PTPA: variants seen among roughly 807,000 people sequenced by gnomAD.
PTPA encodes the protein serine/threonine-protein phosphatase 2A activator.
In PTPA, 13 loss-of-function variants were observed where a neutral mutation model predicts 43.6. The observed-to-expected ratio is 0.30, with a 90% CI of 0.19 to 0.47. PTPA has a LOEUF of 0.47. PTPA is among the 20% of genes least tolerant of loss of function. The pLI is 0.99. For missense variants in PTPA, 329 were observed against 411.9 expected, an observed-to-expected ratio of 0.80 and a Z score of 1.74; for synonymous variants, 172 against 158.2, an observed-to-expected ratio of 1.09 and a Z score of -0.66.
chr9:129,135,961 A>T (rs1246271365), intron 6 of PTPA, among the ~76,000 whole-genome samples: 3 of 151,504 alleles, frequency 2.0e-5, no homozygotes, highest in African/African-American at 7.3e-5. Context: ...GTGATTTTTT[A>T]TTTATTTATT....
Position 129,147,695 on chromosome 9 carries a change from A to G in PTPA, c.*231A>G, listed in dbSNP as rs1851393502. ...AGTTTTCTGAGTTCCCGTGTGCTAG[A>G]CTGGCCAGAAGAGAGGGTCTGGGGC... is the stretch of plus-strand genomic sequence containing the variant. On this transcript the variant is annotated 3_prime_UTR_variant, in exon 10 of 10. Transcript: ENST00000393370. 7.6e-6 allele frequency: 4 copies of G among 529,318 alleles called. No homozygotes were observed. The highest frequency in any genetic ancestry group is 1.4e-5 in the Non-Finnish European group (4 of 291,770). The allele number at this position is 529,318 out of a possible 1,614,324, so 32.8% of individuals were successfully genotyped here.
chr9:129,134,973 C>A (rs1850261691), intron 6 of PTPA, 79 bp downstream of exon 6: 1 of 1,212,466 alleles, frequency 8.2e-7, no homozygotes, highest in Non-Finnish European at 1.2e-6. Context: ...AAATGGGGTG[C>A]TCTAGGGTTC....
intron 6 of PTPA, 61 bp from the exon 7 acceptor site, chr9:129,136,410 G>T (rs774865837): frequency 1.3e-6 from 2 of 1,526,096 alleles, no homozygotes; most frequent in African/African-American, 2.8e-5. Flanking sequence ...CCCAGTGGCC[G>T]AAAGGGTGAG....
intron 9 of PTPA, chr9:129,143,000 G>A: frequency 8.0e-7 from 1 of 1,246,912 alleles, no homozygotes; most frequent in Non-Finnish European, 1.1e-6. Flanking sequence ...ACTGAGTGGT[G>A]GGAGGTCTGA....
At chr9:129,147,128 C>CCTGG (rs1281598879) in intron 9 of PTPA, among the ~76,000 whole-genome samples, 1 of 152,146 alleles carries the variant, frequency 6.6e-6, no homozygotes, top group Non-Finnish European at 1.5e-5. Flanking sequence ...AGTGATGGCA[C>CCTGG]CTGGCTGCCT....
At chr9:129,123,162 C>T (rs763081444) in intron 3 of PTPA, 24 bp downstream of exon 3, 1 of 1,571,530 alleles carries the variant, frequency 6.4e-7, no homozygotes, top group South Asian at 1.1e-5. Flanking sequence ...GGAGCTGCTG[C>T]AGCAGCCTTT....
chr9:129,111,863 G>A (rs1848522540), intron 1 of PTPA: 1 of 1,131,626 alleles, frequency 8.8e-7, no homozygotes, highest in African/African-American at 1.6e-5. Context: ...GCAACTCTGG[G>A]TTTTGTGGGA....
chr9:129,131,424 G>A, intron 4 of PTPA, 98 bp from the exon 5 acceptor site: 1 of 1,028,146 alleles, frequency 9.7e-7, no homozygotes, highest in South Asian at 1.4e-5. Context: ...GGCCTGGCAA[G>A]GCAGTGTGGG....
intron 3 of PTPA, 142 bp downstream of exon 3, chr9:129,123,280 T>A: frequency 1.6e-6 from 1 of 617,066 alleles, no homozygotes; most frequent in South Asian, 1.8e-5. Flanking sequence ...GAGACCATCC[T>A]GGCCAACATG....
chr9:129,138,138 G>T (rs971836118), intron 8 of PTPA: 42 of 241,806 alleles, frequency 1.7e-4, no homozygotes, highest in African/African-American at 9.1e-4. Context: ...CTTTTCTGTC[G>T]AAGGGACACG....
In PTPA at chr9:129,114,425, T is replaced by C. The variant is rs371153987; in HGVS notation, c.31+2794T>C. Among the ~76,000 whole-genome samples, 108 of 152,350 alleles carry C rather than the reference T, an allele frequency of 7.1e-4. 4 individuals carry two copies. The South Asian group carries it at 0.021, about 30-fold the overall frequency. On this transcript the variant is annotated intron_variant, in intron 1 of 9. Transcript: ENST00000393370. ...CTGTGAGCCTCAGTTACTTCTCTCTTTTTTAAAATTTCTTTTTTTTTCCCT... is the reference window on the plus strand; with the variant it reads ...CTGTGAGCCTCAGTTACTTCTCTCTCTTTTAAAATTTCTTTTTTTTTCCCT...
Position 129,120,373 on chromosome 9 carries a change from A to G in PTPA, c.32-140A>G, listed in dbSNP as rs924232842. ...CTGGAGGTGGAGGTTGCATTGAGCC[A>G]AGATCGTGTCACTGGACTCCAGCCT... On this transcript the variant is annotated intron_variant, in intron 1 of 9. Transcript: ENST00000393370. The G allele has an allele frequency of 6.5e-6, 4 of 611,794 alleles. No homozygotes were observed. In the African/African-American group the frequency reaches 7.5e-5, roughly 12 times the overall value. 37.9% of individuals were successfully genotyped at this position (611,794 alleles called of 1,614,324 possible).
chr9:129,124,469 C>T (rs1302464120), intron 3 of PTPA, among the ~76,000 whole-genome samples: 2 of 152,198 alleles, frequency 1.3e-5, no homozygotes, highest in South Asian at 4.1e-4. Context: ...CATTCTTAGA[C>T]GTGGAAATGT....
In PTPA at chr9:129,116,390, T is replaced by TC. The variant is rs1260680470; in HGVS notation, c.32-4123_32-4122insC. 9.2e-4 allele frequency among the ~76,000 whole-genome samples: 123 copies of TC among 133,264 alleles called. 4 individuals carry two copies. The highest frequency in any genetic ancestry group is 1.4e-3 in the Non-Finnish European group (86 of 62,352). The allele number at this position is 133,264 out of a possible 152,430, so 87.4% of individuals were successfully genotyped here. ...TTTAGTAGAGACAGGGTTTCTTTTTTTTTTTTTTTTTTTTGAGACGGAGTC... is the reference window on the plus strand; with the variant it reads ...TTTAGTAGAGACAGGGTTTCTTTTTTCTTTTTTTTTTTTTTGAGACGGAGTC... On this transcript the variant is annotated intron_variant, in intron 1 of 9. Coordinates refer to ENST00000393370, the MANE Select transcript of PTPA (RefSeq NM_178000.3).
chr9:129,142,139 C>T (rs1850901580), intron 8 of PTPA: 2 of 308,908 alleles, frequency 6.5e-6, no homozygotes, highest in Admixed American at 5.0e-5. Flanking sequence ...GAATCAGGCC[C>T]CCTTTTTTTG....
chr9:129,131,515 T>C lies in PTPA; in HGVS notation c.343-7T>C, dbSNP rs750061155. 6.2e-7 allele frequency: 1 copy of C among 1,612,754 alleles called. No homozygotes were observed. The highest frequency in any genetic ancestry group is 1.7e-5 in the Admixed American group (1 of 60,022). Reference sequence around the variant, plus strand: ...CTGCCACCACTTTGTGTCTCTTGTGTTACCAGGAAGCAGAAAACTTGGTGG... The same window carrying C: ...CTGCCACCACTTTGTGTCTCTTGTGCTACCAGGAAGCAGAAAACTTGGTGG... On this transcript the variant is annotated splice_polypyrimidine_tract_variant and splice_region_variant and intron_variant, in intron 4 of 9. Transcript: ENST00000393370.
At chr9:129,118,813 CT>C (rs10712319) in intron 1 of PTPA, among the ~76,000 whole-genome samples, 2,280 of 140,496 alleles carry the variant, frequency 0.016, 47 homozygotes, top group East Asian at 0.12. Context: ...CTATGCCCAG[CT>C]TTTTTTTTTT....
chr9:129,142,782 C>A, intron 9 of PTPA: 1 of 1,536,182 alleles, frequency 6.5e-7, no homozygotes, highest in Non-Finnish European at 8.7e-7. Context: ...CAGTCCAGCT[C>A]TGTCCTGATG....
chr9:129,134,324 TGAGACAGTCTCAC>T (rs1588516165), intron 5 of PTPA, among the ~76,000 whole-genome samples: 206 of 96,372 alleles, frequency 2.1e-3, no homozygotes, highest in African/African-American at 3.1e-3. Flanking sequence ...TTTTTTTTTT[TGAGACAGTCTCAC>T]TTTGTCACCC....
Sources: allele counts gnomAD v4.1 joint callset (sites outside exome capture counted in the v4.1 genomes callset), GRCh38; gene constraint gnomAD v4.1.1; transcripts MANE v1.5; gene names NCBI Gene and HGNC (gene_info 2026-07-23, HGNC 2026-07-21).